MAML2: variants seen among roughly 807,000 people sequenced by gnomAD.
MAML2 encodes the protein mastermind like transcriptional coactivator 2.
Under a neutral mutation model 96.1 loss-of-function variants are expected in MAML2, and 22 were observed. The observed-to-expected ratio is 0.23, with a 90% CI of 0.16 to 0.33. The LOEUF (loss-of-function observed/expected upper bound fraction) is 0.33, where lower values mean the gene tolerates loss of function less well. Among genes scored for constraint, MAML2 ranks in the 10% least tolerant of loss-of-function variants. The probability of loss-of-function intolerance (pLI) is 1.00; values close to 1 mark genes in which losing one functional copy is unlikely to be tolerated. For missense variants in MAML2, 1,367 were observed against 1,392.4 expected (o/e 0.98, Z 0.29); for synonymous variants, 561 against 521.3 (o/e 1.08, Z -1.04).
intron 1 of MAML2, among the ~76,000 whole-genome samples, chr11:96,169,208 C>T (rs1187582096): frequency 6.6e-6 from 1 of 151,132 alleles, no homozygotes; most frequent in Admixed American, 6.6e-5. Flanking sequence ...TTAACCTCAG[C>T]TTCAGTTTCC....
chr11:96,328,830 GAA>G (rs1460184760), intron 1 of MAML2, among the ~76,000 whole-genome samples: 1 of 152,024 alleles, frequency 6.6e-6, no homozygotes, highest in East Asian at 1.9e-4. Context: ...TTAGCGATAA[GAA>G]AAAAAGAGGC....
chr11:96,329,672 C>A (rs1279055258), intron 1 of MAML2, among the ~76,000 whole-genome samples: 4 of 152,180 alleles, frequency 2.6e-5, no homozygotes, highest in Non-Finnish European at 1.5e-5. Flanking sequence ...AGCACTAGAA[C>A]CTTCAATACC....
intron 1 of MAML2, among the ~76,000 whole-genome samples, chr11:96,198,390 G>A (rs1861761594): frequency 6.6e-6 from 1 of 152,200 alleles, no homozygotes; most frequent in African/African-American, 2.4e-5. Flanking sequence ...TTCTGAGTCA[G>A]ATATGTCCTC....
At chr11:96,046,441 T>TA (rs2135761771) in intron 2 of MAML2, among the ~76,000 whole-genome samples, 1 of 152,296 alleles carries the variant, frequency 6.6e-6, no homozygotes, top group East Asian at 1.9e-4. Context: ...AATGGTAGAC[T>TA]ACCTCTGTCA....
At chr11:96,139,456 G>A (rs1020342791) in intron 1 of MAML2, among the ~76,000 whole-genome samples, 9 of 149,288 alleles carry the variant, frequency 6.0e-5, no homozygotes, top group Non-Finnish European at 8.9e-5. Context: ...CAGCCTGGGC[G>A]ACAGAGCGAG....
Position 95,981,526 on chromosome 11 carries a change from GATACGTAGGTGGT to G in MAML2, c.2456-1576_2456-1564del, listed in dbSNP as rs370079113. Among the ~76,000 whole-genome samples the G allele has an allele frequency of 5.2e-3, 791 of 152,304 alleles. 5 individuals carry two copies. Among genetic ancestry groups the G allele is most frequent in the African/African-American group, 0.018 (753 of 41,572 alleles). On this transcript the variant is annotated intron_variant, in intron 4 of 4. Transcript: ENST00000524717. ...CGTGGGCTATCCCCTGCTGCTTAAG[GATACGTAGGTGGT>G]ATACATCCTGAAAAACTGAGGGCCA...
chr11:96,244,708 A>G (rs1335604205), intron 1 of MAML2, among the ~76,000 whole-genome samples: 1 of 152,178 alleles, frequency 6.6e-6, no homozygotes, highest in East Asian at 1.9e-4. Context: ...TTCATTTGCT[A>G]TAGGCCAGGG....
intron 3 of MAML2, among the ~76,000 whole-genome samples, chr11:95,989,837 T>A (rs1289567761): frequency 6.6e-6 from 1 of 152,196 alleles, no homozygotes; most frequent in Non-Finnish European, 1.5e-5. Context: ...TCTCACTATT[T>A]CTTTTCACAT....
intron 2 of MAML2, among the ~76,000 whole-genome samples, chr11:96,011,285 C>T (rs1055621951): frequency 6.6e-6 from 1 of 152,184 alleles, no homozygotes. Context: ...TTCATTGCAA[C>T]ACTGTTTACA....
chr11:96,292,254 T>A (rs1489068830), intron 1 of MAML2, among the ~76,000 whole-genome samples: 5 of 152,172 alleles, frequency 3.3e-5, no homozygotes, highest in African/African-American at 1.2e-4. Context: ...CACAGAATCA[T>A]AACATTTTAG....
rs76275141 is a variant in MAML2, at chr11:96,044,226, C to T, written c.2139+47666G>A. Among the ~76,000 whole-genome samples, 174 of 152,300 alleles carry T rather than the reference C, an allele frequency of 1.1e-3. 4 individuals are homozygous for T. In the East Asian group the frequency reaches 0.029, roughly 25 times the overall value. On this transcript the variant is annotated intron_variant, in intron 2 of 4. Transcript: ENST00000524717. ...CTGGCTGGGCAAGAGGGAGGCGTGC[C>T]TGGAAGGGTTTTGGTGGTGGACTCT...
chr11:96,123,075 T>C (rs1860377831), intron 1 of MAML2, among the ~76,000 whole-genome samples: 1 of 152,160 alleles, frequency 6.6e-6, no homozygotes, highest in Admixed American at 6.5e-5. Context: ...CACAGGACAA[T>C]CAAGGAAGGA....
intron 2 of MAML2, among the ~76,000 whole-genome samples, chr11:96,090,969 C>T (rs757538812): frequency 4.4e-4 from 67 of 152,348 alleles, no homozygotes; most frequent in Non-Finnish European, 8.5e-4. Context: ...TGTCAAATTA[C>T]ACGCACAAAG....
intron 1 of MAML2, among the ~76,000 whole-genome samples, chr11:96,334,608 A>G (rs1032482409): frequency 6.6e-6 from 1 of 152,224 alleles, no homozygotes; most frequent in Admixed American, 6.5e-5. Flanking sequence ...TCCCGTCTAC[A>G]CTGTAAATTC....
intron 1 of MAML2, among the ~76,000 whole-genome samples, chr11:96,245,705 A>ATTT (rs59597889): frequency 0.034 from 4,604 of 136,914 alleles, 145 homozygotes; most frequent in Admixed American, 0.088. Context: ...CCCATACCTA[A>ATTT]TTTTTTTTTT....
chr11:96,160,639 G>T (rs545150816), intron 1 of MAML2, among the ~76,000 whole-genome samples: 95 of 152,234 alleles, frequency 6.2e-4, no homozygotes, highest in African/African-American at 2.2e-3. Context: ...TATTGGCCAG[G>T]CTGGTCTCGA....
In MAML2 at chr11:96,156,030, C is replaced by A. The variant is rs140118262; in HGVS notation, c.514-62513G>T. Among the ~76,000 whole-genome samples the A allele has an allele frequency of 2.4e-4, 36 of 152,286 alleles. No homozygotes were observed. The South Asian group carries it at 4.1e-3, about 18-fold the overall frequency. On this transcript the variant is annotated intron_variant, in intron 1 of 4. Coordinates refer to ENST00000524717, the MANE Select transcript of MAML2 (RefSeq NM_032427.4). The stretch of plus-strand genomic sequence containing the variant: ...GAAAAGTGTTGTGCTGACCGCCCCC[C>A]ACTGGTTCCTATTTCCAGCTCATGG...
intron 2 of MAML2, among the ~76,000 whole-genome samples, chr11:96,077,238 T>TTTTTTA (rs1859455963): frequency 6.7e-6 from 1 of 148,464 alleles, no homozygotes; most frequent in Non-Finnish European, 1.5e-5. Flanking sequence ...TTTTTTTTTT[T>TTTTTTA]TAAAGACAGT....
intron 2 of MAML2, among the ~76,000 whole-genome samples, chr11:96,071,683 T>C (rs112327389): frequency 1.9e-4 from 29 of 152,344 alleles, no homozygotes; most frequent in African/African-American, 6.5e-4. Context: ...ACTGGTAGAC[T>C]GAAAAGACTC....
Sources: gnomAD v4.1 joint callset for allele counts (sites outside exome capture counted in the v4.1 genomes callset) on GRCh38, gnomAD v4.1.1 for gene constraint, MANE v1.5 for transcripts, NCBI Gene and HGNC (gene_info 2026-07-23, HGNC 2026-07-21) for gene names.